Variants in DPM1 observed in about 807,000 individuals in gnomAD.
The protein encoded by DPM1 is dolichyl-phosphate mannosyltransferase subunit 1, catalytic, also known as dolichol-phosphate mannosyltransferase subunit 1.
In DPM1, 27 loss-of-function variants were observed where a neutral mutation model predicts 39.0. That is an observed-to-expected ratio of 0.69 (90% confidence interval 0.51 to 0.95). DPM1 has a LOEUF of 0.95. DPM1 is among the 40% of genes least tolerant of loss of function. The pLI is 0.00. For missense variants in DPM1, 307 were observed against 315.6 expected, an observed-to-expected ratio of 0.97 and a Z score of 0.21; for synonymous variants, 124 against 109.0, an observed-to-expected ratio of 1.14 and a Z score of -0.86.
At chr20:50,941,547 A>G (rs1268291980) in intron 6 of DPM1, among the ~76,000 whole-genome samples, 1 of 151,672 alleles carries the variant, frequency 6.6e-6, no homozygotes. Flanking sequence ...CCCCATCTCT[A>G]TGAAACAAAA....
chr20:50,936,855 T>C (rs1286281040), intron 7 of DPM1, among the ~76,000 whole-genome samples: 1 of 152,136 alleles, frequency 6.6e-6, no homozygotes, highest in Non-Finnish European at 1.5e-5. Flanking sequence ...CCTGGTGGGA[T>C]TCACCTATCA....
intron 7 of DPM1, among the ~76,000 whole-genome samples, chr20:50,938,768 T>A (rs1487126095): frequency 6.7e-6 from 1 of 149,820 alleles, no homozygotes; most frequent in Non-Finnish European, 1.5e-5. Flanking sequence ...TCACCTGAGG[T>A]CGGGAGTTCA....
At chr20:50,935,280 TA>T (rs1421735306) in intron 8 of DPM1, 44 bp from the exon 9 acceptor site, 1 of 1,233,614 alleles carries the variant, frequency 8.1e-7, no homozygotes, top group African/African-American at 1.5e-5. Context: ...TAAAAACAAT[TA>T]GGCAGCTTAG....
At chr20:50,945,453 A>G (rs1601043450) in intron 5 of DPM1, among the ~76,000 whole-genome samples, 1 of 152,010 alleles carries the variant, frequency 6.6e-6, no homozygotes, top group South Asian at 2.1e-4. Context: ...TCATCCTCCC[A>G]CCTGAGCCGC....
Position 50,934,977 on chromosome 20 carries a change from T to C in DPM1, c.*155A>G. On this transcript the variant is annotated 3_prime_UTR_variant, in exon 9 of 9. Transcript: ENST00000371588. Reference sequence around the variant, plus strand: ...GCCAGCAACTTTAAAATTATTTAATTTGAAATATAAAATAGGTGGTCTTCA... The same window carrying C: ...GCCAGCAACTTTAAAATTATTTAATCTGAAATATAAAATAGGTGGTCTTCA... The C allele has an allele frequency of 1.8e-6, 1 of 568,890 alleles. No individual in the cohort carries two copies. The highest frequency in any genetic ancestry group is 2.4e-5 in the South Asian group (1 of 42,398). 35.2% of individuals were successfully genotyped at this position (568,890 alleles called of 1,614,324 possible). A position where few individuals can be genotyped will look rare whatever the true frequency, so the allele number is the denominator to read the frequency against.
Position 50,942,036 on chromosome 20 carries a change from T to TA in DPM1, c.488dup (p.Ile164AsnfsTer19). On this transcript the variant is annotated frameshift_variant, in exon 6 of 9. Transcript: ENST00000371588. LOFTEE classifies it high-confidence loss of function. ...GTTGTAACACATGTACCTACCTGATTATTTTTCTTTTCAAATCCCAGCCAT... is the reference window on the plus strand; with the variant it reads ...GTTGTAACACATGTACCTACCTGATTAATTTTTCTTTTCAAATCCCAGCCAT... 6.2e-7 allele frequency: 1 copy of TA among 1,612,568 alleles called. No individual in the cohort carries two copies. Among genetic ancestry groups the TA allele is most frequent in the Non-Finnish European group, 8.5e-7 (1 of 1,178,556 alleles).
At chr20:50,941,264 A>ATATATATATATATATATAT (rs56852828) in intron 6 of DPM1, 2 of 167,956 alleles carry the variant, frequency 1.2e-5, no homozygotes, top group Non-Finnish European at 2.3e-5. Context: ...ATATATATAT[A>ATATATATATATATATATAT]AATAAAATAC....
intron 1 of DPM1, 32 bp downstream of exon 1, chr20:50,958,331 C>A (rs766829866): frequency 3.7e-6 from 6 of 1,610,094 alleles, no homozygotes; most frequent in Non-Finnish European, 5.1e-6. Context: ...CAGCTCATCT[C>A]ATTCTTCGGG....
intron 2 of DPM1, among the ~76,000 whole-genome samples, chr20:50,951,193 G>A (rs1425275298): frequency 2.6e-5 from 4 of 152,214 alleles, no homozygotes; most frequent in Non-Finnish European, 2.9e-5. Context: ...AACAAATCAC[G>A]GAAAGCAAAA....
Position 50,937,043 on chromosome 20 carries a change from CTTTTTT to C in DPM1, c.564-787_564-782del, listed in dbSNP as rs75516205. On this transcript the variant is annotated intron_variant, in intron 7 of 8. Transcript: ENST00000371588. ...GGAGCTCCGTATTTTCAGAGTCACA[CTTTTTT>C]TTTTTTTTTTTTAAAGATCAGTGTC... 7.8e-4 allele frequency among the ~76,000 whole-genome samples: 110 copies of C among 140,416 alleles called. 1 individual carries two copies. Among genetic ancestry groups the C allele is most frequent in the South Asian group, 2.5e-3 (11 of 4,372 alleles). The allele number at this position is 140,416 out of a possible 152,430, so 92.1% of individuals were successfully genotyped here.
At chr20:50,946,946 C>T (rs534458985) in intron 3 of DPM1, among the ~76,000 whole-genome samples, 54 of 152,188 alleles carry the variant, frequency 3.5e-4, no homozygotes, top group South Asian at 2.9e-3. Flanking sequence ...CAGTGGCTCA[C>T]GCTTGTAATC....
At chr20:50,934,856 G>A, downstream of DPM1, 1 of 243,972 alleles carries the variant, frequency 4.1e-6, no homozygotes, top group South Asian at 6.6e-5. Context: ...ATACTCTAAT[G>A]AAGGCAGCAA....
At chr20:50,957,603 C>A (rs1176780095) in intron 1 of DPM1, among the ~76,000 whole-genome samples, 1 of 152,150 alleles carries the variant, frequency 6.6e-6, no homozygotes, top group Non-Finnish European at 1.5e-5. Context: ...ATTGCCATGA[C>A]CTGATTAAAT....
In DPM1 at chr20:50,936,263, C is replaced by A. The variant is rs931209040; in HGVS notation, c.564-1G>T. The A allele has an allele frequency of 2.5e-6, 4 of 1,574,362 alleles. No homozygotes were observed. The highest frequency in any genetic ancestry group is 3.5e-6 in the Non-Finnish European group (4 of 1,145,454). On this transcript the variant is annotated splice_acceptor_variant, in intron 7 of 8. Coordinates refer to ENST00000371588, the MANE Select transcript of DPM1 (RefSeq NM_003859.3). LOFTEE classifies it high-confidence loss of function. ...CTCTAGAACTTCTTTTCGGTATAAT[C>A]TGTAAGAAATTAAAAATATATATCA...
intron 1 of DPM1, among the ~76,000 whole-genome samples, chr20:50,956,712 A>C (rs1244394929): frequency 6.6e-6 from 1 of 152,206 alleles, no homozygotes; most frequent in Non-Finnish European, 1.5e-5. Flanking sequence ...ACTGTGCCTT[A>C]AATCTGGGCA....
In DPM1 at chr20:50,956,268, T is replaced by C. The variant is rs1297400204; in HGVS notation, c.162-983A>G. Among the ~76,000 whole-genome samples, 8 of 152,220 alleles carry C rather than the reference T, an allele frequency of 5.3e-5. No individual in the cohort carries two copies. In the East Asian group the frequency reaches 1.5e-3, roughly 29 times the overall value. On this transcript the variant is annotated intron_variant, in intron 1 of 8. Coordinates refer to ENST00000371588, the MANE Select transcript of DPM1 (RefSeq NM_003859.3). ...CAATACTTGGTGGATAAATAATACCTACGACATAACATTCCGTTTTCTCTT... is the reference window on the plus strand; with the variant it reads ...CAATACTTGGTGGATAAATAATACCCACGACATAACATTCCGTTTTCTCTT...
At position 50,942,100 on chromosome 20, in the gene DPM1, A is replaced by T. The variant is rs1985890205; in HGVS notation, c.425T>A (p.Ile142Asn). Residue 142 changes from isoleucine (I) to asparagine (N), a missense_variant, in exon 6 of 9, where the codon ATT becomes AAT. Coordinates refer to ENST00000371588, the MANE Select transcript of DPM1 (RefSeq NM_003859.3). ...TCCTTTGTAGCGAGTTCCAGAGACA[A>T]TATCAAAATTACCCTCCTTTTGCTT... ...IRKQKEGNFD[I>N]VSGTRYKGNG... 1.9e-6 allele frequency: 3 copies of T among 1,614,006 alleles called. No homozygotes were observed. Among genetic ancestry groups the T allele is most frequent in the African/African-American group, 1.3e-5 (1 of 74,928 alleles).
chr20:50,956,241 C>T (rs1986814257), intron 1 of DPM1, among the ~76,000 whole-genome samples: 1 of 152,196 alleles, frequency 6.6e-6, no homozygotes, highest in Admixed American at 6.5e-5. Flanking sequence ...AACAAACCAA[C>T]ACAATACTTG....
chr20:50,942,276 G>A, intron 5 of DPM1, 150 bp from the exon 6 acceptor site: 11 of 724,970 alleles, frequency 1.5e-5, no homozygotes, highest in South Asian at 1.5e-4. Context: ...GGGAGGCCGA[G>A]GCGGGTGGAT....
Sources: allele counts gnomAD v4.1 joint callset (sites outside exome capture counted in the v4.1 genomes callset), GRCh38; gene constraint gnomAD v4.1.1; transcripts MANE v1.5; gene names NCBI Gene and HGNC (gene_info 2026-07-23, HGNC 2026-07-21).